The following NR2F1-AS1 variants were observed in gnomAD, a reference collection of about 807,000 sequenced individuals.
The protein encoded by NR2F1-AS1 is NR2F1 regulatory antisense RNA 1.
intron 1 of NR2F1-AS1, among the ~76,000 whole-genome samples, chr5:93,566,662 T>C (rs1028875126): frequency 6.6e-6 from 1 of 152,002 alleles, no homozygotes; most frequent in African/African-American, 2.4e-5. Context: ...GGTAGAACCT[T>C]TCTGGAAAAC....
intron 4 of NR2F1-AS1, among the ~76,000 whole-genome samples, chr5:93,550,355 A>G (rs1752195922): frequency 1.3e-5 from 2 of 152,180 alleles, no homozygotes; most frequent in African/African-American, 4.8e-5. Flanking sequence ...TCCCTACTCA[A>G]AAAGAGACCC....
At chr5:93,530,718 T>C (rs1372759969) in intron 4 of NR2F1-AS1, among the ~76,000 whole-genome samples, 1 of 152,202 alleles carries the variant, frequency 6.6e-6, no homozygotes, top group Non-Finnish European at 1.5e-5. Context: ...ACATGCCTAA[T>C]TTGATAGCAA....
At chr5:93,433,797 T>A (rs763833319) in intron 4 of NR2F1-AS1, among the ~76,000 whole-genome samples, 2 of 152,208 alleles carry the variant, frequency 1.3e-5, no homozygotes, top group Non-Finnish European at 2.9e-5. Flanking sequence ...TCCTTAACTA[T>A]GATTATAAAC....
At chr5:93,501,158 T>C (rs13361563) in intron 4 of NR2F1-AS1, among the ~76,000 whole-genome samples, 5,238 of 152,122 alleles carry the variant, frequency 0.034, 294 homozygotes, top group African/African-American at 0.12. Context: ...GTGGAAGAAA[T>C]AACTGCATGT....
At chr5:93,556,200 C>T (rs1381478670) in intron 2 of NR2F1-AS1, among the ~76,000 whole-genome samples, 1 of 152,160 alleles carries the variant, frequency 6.6e-6, no homozygotes, top group Non-Finnish European at 1.5e-5. Context: ...TTATCTCAAA[C>T]ACGCATTACC....
At chr5:93,538,590 T>C (rs562075562) in intron 4 of NR2F1-AS1, among the ~76,000 whole-genome samples, 1 of 152,324 alleles carries the variant, frequency 6.6e-6, no homozygotes, top group African/African-American at 2.4e-5. Flanking sequence ...TTGTGATTGT[T>C]TTTGAACCTA....
intron 4 of NR2F1-AS1, among the ~76,000 whole-genome samples, chr5:93,445,120 C>T (rs1407601181): frequency 2.0e-5 from 3 of 152,072 alleles, no homozygotes; most frequent in African/African-American, 7.2e-5. Flanking sequence ...AATTGACACC[C>T]TAACATCATA....
At chr5:93,584,416 G>A (rs1267735596), upstream of NR2F1-AS1, 2 of 148,008 alleles carry the variant, frequency 1.4e-5, no homozygotes, top group Non-Finnish European at 3.0e-5. Flanking sequence ...GCGGGCGCCC[G>A]GCGCGGGTGA....
intron 4 of NR2F1-AS1, among the ~76,000 whole-genome samples, chr5:93,505,852 A>G (rs964689101): frequency 6.6e-6 from 1 of 152,212 alleles, no homozygotes; most frequent in Non-Finnish European, 1.5e-5. Context: ...GCCTAGAGAC[A>G]TGGCCTGGAG....
intron 4 of NR2F1-AS1, among the ~76,000 whole-genome samples, chr5:93,434,548 A>G (rs1706144958): frequency 2.0e-5 from 3 of 152,184 alleles, no homozygotes; most frequent in Admixed American, 2.0e-4. Context: ...ACCTGTAAGC[A>G]GTTCTGTGTG....
At chr5:93,585,520 T>G, upstream of NR2F1-AS1, 661 of 1,393,946 alleles carry the variant, frequency 4.7e-4, no homozygotes, top group Non-Finnish European at 6.0e-4. Flanking sequence ...CTCCCCGCGC[T>G]TCGCCCGCCT....
intron 4 of NR2F1-AS1, among the ~76,000 whole-genome samples, chr5:93,477,749 G>A (rs1320998756): frequency 6.6e-6 from 1 of 152,124 alleles, no homozygotes; most frequent in Non-Finnish European, 1.5e-5. Context: ...TTCCCCAAAT[G>A]TACTCTATTA....
At chr5:93,567,797 T>G (rs79017586) in intron 1 of NR2F1-AS1, among the ~76,000 whole-genome samples, 2 of 152,194 alleles carry the variant, frequency 1.3e-5, no homozygotes, top group Non-Finnish European at 2.9e-5. Flanking sequence ...TCTTCCACAG[T>G]GTGGTGAACC....
chr5:93,583,455 T>C (rs1424915718), upstream of NR2F1-AS1: 1 of 151,998 alleles, frequency 6.6e-6, no homozygotes, highest in Admixed American at 6.6e-5. Flanking sequence ...TCTTCTCCTT[T>C]CTCTCCTTTT....
intron 4 of NR2F1-AS1, among the ~76,000 whole-genome samples, chr5:93,475,899 T>G (rs1194590328): frequency 6.6e-6 from 1 of 152,200 alleles, no homozygotes; most frequent in East Asian, 1.9e-4. Context: ...AGTTTCAGAT[T>G]TTACACTGTC....
rs1293625321 is a variant in NR2F1-AS1, at chr5:93,564,130, AAAAAAAAAAAAAAAAAAAAAC to A, written n.314-688_314-668del. 2.1e-4 allele frequency among the ~76,000 whole-genome samples: 26 copies of A among 122,560 alleles called. 1 individual carries two copies. Among genetic ancestry groups the A allele is most frequent in the African/African-American group, 9.1e-4 (24 of 26,500 alleles). 80.4% of individuals were successfully genotyped at this position (122,560 alleles called of 152,430 possible). ...AAAAAAAAAAAAAAAAAAAAAAAAA[AAAAAAAAAAAAAAAAAAAAAC>A]ACACAACTACCTGGAGAATACTTAC... On this transcript the variant is annotated intron_variant and non_coding_transcript_variant, in intron 1 of 5. Coordinates refer to ENST00000660523, the Ensembl canonical transcript of NR2F1-AS1.
At chr5:93,522,605 C>T (rs1291945149) in intron 4 of NR2F1-AS1, among the ~76,000 whole-genome samples, 2 of 152,214 alleles carry the variant, frequency 1.3e-5, no homozygotes, top group Non-Finnish European at 1.5e-5. Flanking sequence ...GCAAGATCAA[C>T]GCAGAAGGCG....
chr5:93,513,004 T>C (rs1191921796), intron 4 of NR2F1-AS1, among the ~76,000 whole-genome samples: 1 of 152,102 alleles, frequency 6.6e-6, no homozygotes, highest in Non-Finnish European at 1.5e-5. Context: ...GAACTTTCAC[T>C]AACACAGTTA....
rs1399545849 is a variant in NR2F1-AS1, at chr5:93,447,248, C to T, written n.639-51706G>A. On this transcript the variant is annotated intron_variant and non_coding_transcript_variant, in intron 4 of 5. Coordinates refer to ENST00000660523, the Ensembl canonical transcript of NR2F1-AS1. ...AGCTTCTGCATAGCAAAAGAAACTA[C>T]CATCAGAGTGAACAGGCAACCTACA... Among the ~76,000 whole-genome samples, 5 of 152,116 alleles carry T rather than the reference C, an allele frequency of 3.3e-5. No homozygotes were observed. In the East Asian group the frequency reaches 9.6e-4, roughly 29 times the overall value.
Sources: gnomAD v4.1 joint callset for allele counts (sites outside exome capture counted in the v4.1 genomes callset) on GRCh38, gnomAD v4.1.1 for gene constraint, MANE v1.5 for transcripts, NCBI Gene and HGNC (gene_info 2026-07-23, HGNC 2026-07-21) for gene names.